MAGI2: variants seen among roughly 807,000 people sequenced by gnomAD.
The protein encoded by MAGI2 is membrane-associated guanylate kinase, WW and PDZ domain-containing protein 2.
Under a neutral mutation model 133.3 loss-of-function variants are expected in MAGI2, and 35 were observed. The observed-to-expected ratio is 0.26, with a 90% CI of 0.20 to 0.35. The LOEUF is 0.35. Ranked by LOEUF, MAGI2 falls within the 10% of genes least tolerant of loss-of-function variation. The probability of loss-of-function intolerance (pLI) is 1.00; values close to 1 mark genes in which losing one functional copy is unlikely to be tolerated. For synonymous variants in MAGI2, 729 were observed against 710.6 expected (o/e 1.03, Z -0.41); for missense variants, 1,636 against 1,863.4 (o/e 0.88, Z 2.25).
At position 78,075,537 on chromosome 7, in the gene MAGI2, C is replaced by T. The variant is rs369654515; in HGVS notation, c.3706+3410G>A. ...GACTACAGGCGCCCACCACCACACC[C>T]GGCTAATTTTTTGTATTTTTAGTAG... On this transcript the variant is annotated intron_variant, in intron 21 of 21. Transcript: ENST00000354212. 4.6e-4 allele frequency among the ~76,000 whole-genome samples: 70 copies of T among 151,980 alleles called. 1 individual carries two copies. Among genetic ancestry groups the T allele is most frequent in the East Asian group, 4.1e-3 (21 of 5,164 alleles).
intron 2 of MAGI2, among the ~76,000 whole-genome samples, chr7:78,925,323 G>A (rs147704437): frequency 8.5e-5 from 13 of 152,156 alleles, no homozygotes; most frequent in Admixed American, 6.6e-4. Flanking sequence ...TATCAGCACT[G>A]TCTGAAAAGC....
At chr7:78,949,110 G>A (rs1033604900) in intron 2 of MAGI2, among the ~76,000 whole-genome samples, 2 of 152,082 alleles carry the variant, frequency 1.3e-5, no homozygotes, top group African/African-American at 4.8e-5. Context: ...TAGTTTTATT[G>A]TGAAAGCAAC....
chr7:79,197,193 T>C (rs1293693469), intron 1 of MAGI2, among the ~76,000 whole-genome samples: 2 of 151,958 alleles, frequency 1.3e-5, no homozygotes, highest in African/African-American at 2.4e-5. Flanking sequence ...TGTCATCTGC[T>C]AGGACAGCCA....
intron 10 of MAGI2, among the ~76,000 whole-genome samples, chr7:78,216,839 T>C (rs1043912149): frequency 2.6e-5 from 4 of 152,230 alleles, no homozygotes; most frequent in Non-Finnish European, 5.9e-5. Context: ...AAGTTTGCTA[T>C]ATTACACTTC....
At chr7:78,859,604 G>T (rs1342602937) in intron 2 of MAGI2, among the ~76,000 whole-genome samples, 2 of 152,332 alleles carry the variant, frequency 1.3e-5, no homozygotes, top group South Asian at 2.1e-4. Flanking sequence ...TCTGCTGAGA[G>T]ATCCAGGGTT....
At chr7:78,033,921 A>AT (rs1191805888) in intron 21 of MAGI2, among the ~76,000 whole-genome samples, 2 of 152,124 alleles carry the variant, frequency 1.3e-5, no homozygotes, top group Non-Finnish European at 2.9e-5. Flanking sequence ...TGCCAGTGAG[A>AT]TTTTTTAAGC....
At chr7:78,532,941 T>A (rs1273528569) in intron 3 of MAGI2, among the ~76,000 whole-genome samples, 3 of 149,852 alleles carry the variant, frequency 2.0e-5, no homozygotes, top group Non-Finnish European at 4.4e-5. Context: ...GGAAATCAAC[T>A]AATTCTTTTT....
rs182075762 is a variant in MAGI2, at chr7:78,048,985, G to A, written c.3707-29009C>T. The stretch of plus-strand genomic sequence containing the variant: ...TAGCCGGGCGTGGTGGCGTGCGCCT[G>A]TAATCCCAGCTACTTGGGAGGCTGA... On this transcript the variant is annotated intron_variant, in intron 21 of 21. Coordinates refer to ENST00000354212, the MANE Select transcript of MAGI2 (RefSeq NM_012301.4). Among the ~76,000 whole-genome samples, 616 of 152,010 alleles carry A rather than the reference G, an allele frequency of 4.1e-3. 4 individuals are homozygous for A. Among genetic ancestry groups the A allele is most frequent in the African/African-American group, 0.014 (577 of 41,450 alleles).
rs1051129582 is a variant in MAGI2, at chr7:78,278,730, C to T, written c.1409-22149G>A. 3.3e-5 allele frequency among the ~76,000 whole-genome samples: 5 copies of T among 152,162 alleles called. No homozygotes were observed. In the South Asian group the frequency reaches 1.0e-3, roughly 32 times the overall value. ...CCTTAAGAATAAAATTGAGGTTTCC[C>T]TGAGGAAGAAGAAATTTTGCCTCAA... On this transcript the variant is annotated intron_variant, in intron 9 of 21. Transcript: ENST00000354212.
At chr7:78,601,743 T>C (rs1271675656) in intron 3 of MAGI2, among the ~76,000 whole-genome samples, 3 of 152,336 alleles carry the variant, frequency 2.0e-5, no homozygotes, top group Non-Finnish European at 2.9e-5. Flanking sequence ...CTGTACACTT[T>C]GCAATGTAAC....
At chr7:78,353,787 A>G (rs1415133276) in intron 7 of MAGI2, among the ~76,000 whole-genome samples, 2 of 152,202 alleles carry the variant, frequency 1.3e-5, no homozygotes, top group African/African-American at 4.8e-5. Flanking sequence ...AGGCTAGTGC[A>G]CACAGACATG....
intron 1 of MAGI2, among the ~76,000 whole-genome samples, chr7:79,024,865 G>A (rs1237871230): frequency 2.0e-5 from 3 of 152,126 alleles, no homozygotes; most frequent in Admixed American, 6.5e-5. Context: ...ACATGCTGGC[G>A]AGGTTGTGGA....
intron 2 of MAGI2, among the ~76,000 whole-genome samples, chr7:78,761,472 T>C (rs1824502033): frequency 6.6e-6 from 1 of 151,742 alleles, no homozygotes; most frequent in African/African-American, 2.4e-5. Flanking sequence ...TCTGATTTTT[T>C]TTTTTTTTTT....
At chr7:79,046,290 G>T (rs1426934185) in intron 1 of MAGI2, among the ~76,000 whole-genome samples, 1 of 152,090 alleles carries the variant, frequency 6.6e-6, no homozygotes, top group Non-Finnish European at 1.5e-5. Context: ...CAATCTGACT[G>T]ATGTCCTTAA....
Position 78,480,920 on chromosome 7 carries a change from G to C in MAGI2, c.1045+8841C>G, listed in dbSNP as rs141375074. On this transcript the variant is annotated intron_variant, in intron 6 of 21. Transcript: ENST00000354212. ...ATGCTGATGAAAGAACTCAAAGAAG[G>C]CTTAAATAATTGGAAGGGCTTATCA... Among the ~76,000 whole-genome samples the C allele has an allele frequency of 1.6e-4, 25 of 151,940 alleles. No homozygotes were observed. The East Asian group carries it at 3.9e-3, about 24-fold the overall frequency.
intron 2 of MAGI2, among the ~76,000 whole-genome samples, chr7:78,655,823 T>A (rs1812187198): frequency 6.6e-6 from 1 of 151,346 alleles, no homozygotes; most frequent in South Asian, 2.1e-4. Context: ...CTACTAAAAA[T>A]ATAAAAAATT....
chr7:79,418,162 G>C (rs1846674835), intron 1 of MAGI2, among the ~76,000 whole-genome samples: 1 of 151,936 alleles, frequency 6.6e-6, no homozygotes, highest in South Asian at 2.1e-4. Flanking sequence ...AAAAATAATG[G>C]TGCACCTTAA....
At chr7:78,816,650 C>A (rs1789607998) in intron 2 of MAGI2, among the ~76,000 whole-genome samples, 1 of 152,032 alleles carries the variant, frequency 6.6e-6, no homozygotes, top group Non-Finnish European at 1.5e-5. Context: ...AAAAATGAGA[C>A]AACAAAGCCT....
chr7:78,059,701 T>A (rs1813012547), intron 21 of MAGI2, among the ~76,000 whole-genome samples: 1 of 152,022 alleles, frequency 6.6e-6, no homozygotes, highest in Non-Finnish European at 1.5e-5. Context: ...TCTCTTATTC[T>A]AAGTAAGAAT....
Sources: allele counts gnomAD v4.1 joint callset (sites outside exome capture counted in the v4.1 genomes callset), GRCh38; gene constraint gnomAD v4.1.1; transcripts MANE v1.5; gene names NCBI Gene and HGNC (gene_info 2026-07-23, HGNC 2026-07-21).